The following ASTN2 variants were observed in gnomAD, a reference collection of about 807,000 sequenced individuals.
ASTN2 encodes astrotactin-2.
In ASTN2, 54 loss-of-function variants were observed where a neutral mutation model predicts 139.8. The ratio of observed to expected loss-of-function variants is 0.39; its 90% CI spans 0.31 to 0.48. The LOEUF is 0.48. Ranked by LOEUF, ASTN2 falls within the 20% of genes least tolerant of loss-of-function variation. The pLI is 0.95. For synonymous variants in ASTN2, 756 were observed against 719.5 expected, an observed-to-expected ratio of 1.05 and a Z score of -0.81; for missense variants, 1,565 against 1,725.1, an observed-to-expected ratio of 0.91 and a Z score of 1.64.
chr9:117,086,503 G>C (rs1196114259), intron 5 of ASTN2, among the ~76,000 whole-genome samples: 1 of 152,170 alleles, frequency 6.6e-6, no homozygotes, highest in South Asian at 2.1e-4. Context: ...GAACACAGGA[G>C]GTGGAGGTTG....
At chr9:116,516,544 G>A (rs928161837) in intron 19 of ASTN2, among the ~76,000 whole-genome samples, 1 of 152,186 alleles carries the variant, frequency 6.6e-6, no homozygotes, top group African/African-American at 2.4e-5. Flanking sequence ...AGAGCAGCGT[G>A]GGGAGACTCA....
intron 4 of ASTN2, among the ~76,000 whole-genome samples, chr9:117,132,903 G>A (rs1829858856): frequency 6.6e-6 from 1 of 152,152 alleles, no homozygotes; most frequent in South Asian, 2.1e-4. Flanking sequence ...ATTTCCATAA[G>A]CATCCTAGCA....
At chr9:117,403,496 G>A (rs1830895649) in intron 1 of ASTN2, among the ~76,000 whole-genome samples, 1 of 152,128 alleles carries the variant, frequency 6.6e-6, no homozygotes, top group Non-Finnish European at 1.5e-5. Flanking sequence ...TCCCAGCTCT[G>A]TGCAAGTAGA....
chr9:116,941,928 G>C (rs1835242193), intron 10 of ASTN2, among the ~76,000 whole-genome samples: 1 of 149,672 alleles, frequency 6.7e-6, no homozygotes, highest in Non-Finnish European at 1.5e-5. Context: ...CACTGGGCCA[G>C]CAGACTACTT....
chr9:117,395,244 C>T (rs1381849652), intron 1 of ASTN2, among the ~76,000 whole-genome samples: 2 of 152,102 alleles, frequency 1.3e-5, no homozygotes, highest in Non-Finnish European at 2.9e-5. Flanking sequence ...CAAATGCCGC[C>T]CCCACTGTGT....
chr9:116,535,185 T>C (rs898221314), intron 19 of ASTN2, among the ~76,000 whole-genome samples: 1 of 152,126 alleles, frequency 6.6e-6, no homozygotes, highest in Non-Finnish European at 1.5e-5. Flanking sequence ...GATTGCAACC[T>C]CTGCCTTTTT....
At chr9:116,446,839 G>C (rs1848014602) in intron 20 of ASTN2, among the ~76,000 whole-genome samples, 1 of 152,132 alleles carries the variant, frequency 6.6e-6, no homozygotes, top group Non-Finnish European at 1.5e-5. Flanking sequence ...TAGTGTATTG[G>C]GAGGTTGAAA....
chr9:116,999,548 CTTTTTTTTTTTTTTTTTTTT>C (rs71379248), intron 7 of ASTN2, among the ~76,000 whole-genome samples: 14 of 94,946 alleles, frequency 1.5e-4, no homozygotes, highest in East Asian at 3.2e-4. Context: ...TTCTCTCTTT[CTTTTTTTTTTTTTTTTTTTT>C]TTTTTTTTTT....
intron 5 of ASTN2, among the ~76,000 whole-genome samples, chr9:117,071,113 G>A (rs1828109180): frequency 6.8e-6 from 1 of 148,084 alleles, no homozygotes; most frequent in Non-Finnish European, 1.5e-5. Context: ...CAGTTTTTCT[G>A]TTCTGTTTTT....
At chr9:116,780,639 C>T (rs570843256) in intron 13 of ASTN2, among the ~76,000 whole-genome samples, 1 of 152,230 alleles carries the variant, frequency 6.6e-6, no homozygotes, top group Non-Finnish European at 1.5e-5. Context: ...AGCAGAAGAA[C>T]CTCATGACCC....
At chr9:116,913,483 G>A (rs1466312195) in intron 10 of ASTN2, among the ~76,000 whole-genome samples, 1 of 152,094 alleles carries the variant, frequency 6.6e-6, no homozygotes, top group African/African-American at 2.4e-5. Context: ...AAACCCCGCT[G>A]GCTTTGTCAT....
chr9:116,425,719 C>G lies in ASTN2; in HGVS notation c.*132G>C. On this transcript the variant is annotated 3_prime_UTR_variant, in exon 23 of 23. Coordinates refer to ENST00000313400, the MANE Select transcript of ASTN2 (RefSeq NM_001365068.1). The stretch of plus-strand genomic sequence containing the variant: ...CCACAGGAGAAACCGTTTGCTTTGG[C>G]CTTGCTGGCAAGCTTCATCTGCTAG... The G allele has an allele frequency of 6.2e-7, 1 of 1,605,972 alleles. No homozygotes were observed. The highest frequency in any genetic ancestry group is 1.1e-5 in the South Asian group (1 of 89,756).
chr9:117,071,250 G>C (rs1489577530), intron 5 of ASTN2, among the ~76,000 whole-genome samples: 2 of 151,336 alleles, frequency 1.3e-5, no homozygotes, highest in Non-Finnish European at 3.0e-5. Flanking sequence ...TCAGCTGCAG[G>C]TCTGTTGGAA....
At chr9:116,839,226 C>T (rs1201646992) in intron 11 of ASTN2, among the ~76,000 whole-genome samples, 5 of 152,140 alleles carry the variant, frequency 3.3e-5, no homozygotes, top group African/African-American at 1.2e-4. Flanking sequence ...TAGCTCACTG[C>T]AGTCTTGAAA....
intron 17 of ASTN2, among the ~76,000 whole-genome samples, chr9:116,638,202 A>G (rs1160236040): frequency 6.6e-6 from 1 of 152,254 alleles, no homozygotes; most frequent in Non-Finnish European, 1.5e-5. Context: ...AGCAGAAAGT[A>G]GCAAAAATAT....
chr9:116,632,187 A>AGAGAGAGG (rs1588115042), intron 17 of ASTN2, among the ~76,000 whole-genome samples: 5 of 35,936 alleles, frequency 1.4e-4, no homozygotes, highest in Admixed American at 3.0e-4. Context: ...AGAGAGAGGG[A>AGAGAGAGG]GAGAGAGAGA....
chr9:117,102,188 T>A (rs1292537380), intron 4 of ASTN2, among the ~76,000 whole-genome samples: 1 of 152,222 alleles, frequency 6.6e-6, no homozygotes, highest in African/African-American at 2.4e-5. Flanking sequence ...AGACATAGAA[T>A]ATTATTCAGC....
chr9:116,940,661 A>G (rs1189999052), intron 10 of ASTN2, among the ~76,000 whole-genome samples: 3 of 152,188 alleles, frequency 2.0e-5, no homozygotes, highest in African/African-American at 4.8e-5. Context: ...AATAAAACAT[A>G]AAGTTTTAGT....
At chr9:117,229,377 A>T (rs1254267449) in intron 2 of ASTN2, among the ~76,000 whole-genome samples, 2 of 152,176 alleles carry the variant, frequency 1.3e-5, no homozygotes, top group Non-Finnish European at 2.9e-5. Context: ...CGGGTTGTAC[A>T]TCTATTGCCT....
Sources: allele counts gnomAD v4.1 joint callset (sites outside exome capture counted in the v4.1 genomes callset), GRCh38; gene constraint gnomAD v4.1.1; transcripts MANE v1.5; gene names NCBI Gene and HGNC (gene_info 2026-07-23, HGNC 2026-07-21).